Variants in NEUROG3 observed in about 807,000 individuals in gnomAD.
NEUROG3 encodes neurogenin 3, also known as neurogenin-3.
For synonymous variants in NEUROG3, 161 were observed against 139.2 expected (o/e 1.16, Z -1.10); for missense variants, 307 against 297.9 (o/e 1.03, Z -0.22).
chr10:69,572,990 C>T lies in NEUROG3; in HGVS notation c.54G>A (p.Glu18=), dbSNP rs1423653693. ...CTTCCGAGGCTCTGGGGAAGGACCG[C>T]TCCGTCTCACGGGTCACTTGGACAG... ...APTVQVTRET[E]RSFPRASEDE... The change falls in exon 2 of 2, where the codon GAG becomes GAA. Residue 18 remains glutamate, a synonymous_variant. Transcript: ENST00000242462. 3 of 1,613,696 alleles carry T rather than the reference C, an allele frequency of 1.9e-6. No individual in the cohort carries two copies. Among genetic ancestry groups the T allele is most frequent in the Non-Finnish European group, 2.5e-6 (3 of 1,180,016 alleles).
rs969171338 is a variant in NEUROG3 at position 69,572,483 on chromosome 10, C to G, written c.561G>C (p.Ser187=). The G allele has an allele frequency of 5.0e-6, 8 of 1,589,454 alleles. No homozygotes were observed. The highest frequency in any genetic ancestry group is 6.8e-6 in the Non-Finnish European group (8 of 1,168,736). ...SQAGSLSPAA[S]LEERPGLLGA... The stretch of plus-strand genomic sequence containing the variant: ...CCAGCAGCCCGGGTCGCTCCTCCAG[C>G]GACGCGGCGGGACTCAGGCTGCCAG... The change falls in exon 2 of 2, where the codon TCG becomes TCC. Residue 187 remains serine, a synonymous_variant. Coordinates refer to ENST00000242462, the MANE Select transcript of NEUROG3 (RefSeq NM_020999.4).
chr10:69,572,914 C>A lies in NEUROG3; in HGVS notation c.130G>T (p.Gly44Trp). The part of the protein sequence containing the change: ...SAPPSPTRTR[G>W]NCAEAEEGGC... ...CCCTCTTCCGCCTCTGCGCAGTTCC[C>A]CCGTGTGCGAGTGGGGCTGGGCGGG... The change falls in exon 2 of 2, where the codon GGG (glycine) becomes TGG (tryptophan). Residue 44 changes from glycine to tryptophan, a missense_variant. Physicochemically the swap from Gly to Trp is radical, Grantham distance 184. Transcript: ENST00000242462. The A allele has an allele frequency of 6.2e-7, 1 of 1,612,334 alleles. No individual in the cohort carries two copies.
chr10:69,572,248 T>G lies in NEUROG3; in HGVS notation c.*151A>C. The G allele has an allele frequency of 1.2e-6, 1 of 868,726 alleles. No individual in the cohort carries two copies. Among genetic ancestry groups the G allele is most frequent in the Non-Finnish European group, 1.7e-6 (1 of 575,762 alleles). 53.8% of individuals were successfully genotyped at this position (868,726 alleles called of 1,614,324 possible). A position where few individuals can be genotyped will look rare whatever the true frequency, so the allele number is the denominator to read the frequency against. ...GAATGAACCCAGCCTGCCGCCCCCG[T>G]GGAGGCCTGGGCCGGCCAGGGGTCA... On this transcript the variant is annotated 3_prime_UTR_variant, in exon 2 of 2. Coordinates refer to ENST00000242462, the MANE Select transcript of NEUROG3 (RefSeq NM_020999.4).
rs1839221177 is a variant in NEUROG3 at position 69,572,318 on chromosome 10, C to G, written c.*81G>C. 4.1e-6 allele frequency: 6 copies of G among 1,479,044 alleles called. No homozygotes were observed. Among genetic ancestry groups the G allele is most frequent in the Non-Finnish European group, 5.5e-6 (6 of 1,097,422 alleles). The allele number at this position is 1,479,044 out of a possible 1,614,324, so 91.6% of individuals were successfully genotyped here. On this transcript the variant is annotated 3_prime_UTR_variant, in exon 2 of 2. Transcript: ENST00000242462. ...AACAAGTGCTTTTGAGGGCCGCCGCCGTCGGCCACCCTCTACGGCTCCCGG... is the reference window on the plus strand; with the variant it reads ...AACAAGTGCTTTTGAGGGCCGCCGCGGTCGGCCACCCTCTACGGCTCCCGG...
At position 69,573,221 on chromosome 10, in the gene NEUROG3, C is replaced by A; in HGVS notation, c.-13G>T. 1.5e-6 allele frequency: 1 copy of A among 688,432 alleles called. No individual in the cohort carries two copies. The highest frequency in any genetic ancestry group is 1.9e-5 in the South Asian group (1 of 52,600). 42.6% of individuals were successfully genotyped at this position (688,432 alleles called of 1,614,324 possible). A position where few individuals can be genotyped will look rare whatever the true frequency, so the allele number is the denominator to read the frequency against. On this transcript the variant is annotated 5_prime_UTR_variant, in exon 1 of 2. Coordinates refer to ENST00000242462, the MANE Select transcript of NEUROG3 (RefSeq NM_020999.4). Reference sequence around the variant, plus strand: ...CCTCCAAATATTACCTTTCTACCGGCGCAAAAGAATAGAGAGCGATGAGCA... The same window carrying A: ...CCTCCAAATATTACCTTTCTACCGGAGCAAAAGAATAGAGAGCGATGAGCA...
At position 69,572,721 on chromosome 10, in the gene NEUROG3, C is replaced by A; in HGVS notation, c.323G>T (p.Gly108Val). Residue 108 changes from glycine to valine, a missense_variant, in exon 2 of 2, where the codon GGT (glycine) becomes GTT (valine). By Grantham distance (109) the Gly-to-Val change is moderately radical. Transcript: ENST00000242462. ...NLNSALDALR[G>V]VLPTFPDDAK... ...GTCGTCTGGGAAGGTGGGCAGGACA[C>A]CGCGCAGGGCGTCCAGTGCCGAGTT... is the stretch of plus-strand genomic sequence containing the variant. The A allele has an allele frequency of 1.2e-6, 2 of 1,614,148 alleles. No individual in the cohort carries two copies. The highest frequency in any genetic ancestry group is 1.7e-6 in the Non-Finnish European group (2 of 1,179,974).
chr10:69,572,913 C>T lies in NEUROG3; in HGVS notation c.131G>A (p.Gly44Glu). The change falls in exon 2 of 2, where the codon GGG becomes GAG. Residue 44 changes from glycine to glutamate, a missense_variant. Coordinates refer to ENST00000242462, the MANE Select transcript of NEUROG3 (RefSeq NM_020999.4). Reference protein sequence around the residue: ...SAPPSPTRTRGNCAEAEEGGC... With the variant: ...SAPPSPTRTRENCAEAEEGGC... ...TCCCTCTTCCGCCTCTGCGCAGTTC[C>T]CCCGTGTGCGAGTGGGGCTGGGCGG... 2.5e-6 allele frequency: 4 copies of T among 1,612,318 alleles called. No individual in the cohort carries two copies. Among genetic ancestry groups the T allele is most frequent in the Non-Finnish European group, 3.4e-6 (4 of 1,179,808 alleles).
At position 69,572,152 on chromosome 10, in the gene NEUROG3, C is replaced by A; in HGVS notation, c.*247G>T. The A allele has an allele frequency of 3.4e-6, 2 of 586,042 alleles. No individual in the cohort carries two copies. The highest frequency in any genetic ancestry group is 6.1e-6 in the Non-Finnish European group (2 of 328,448). 36.3% of individuals were successfully genotyped at this position (586,042 alleles called of 1,614,324 possible). ...GCAGAGAGGAGGCCTAAAATGAGCGCACTTTGCAATGCCCACTTCGCGCGG... is the reference window on the plus strand; with the variant it reads ...GCAGAGAGGAGGCCTAAAATGAGCGAACTTTGCAATGCCCACTTCGCGCGG... On this transcript the variant is annotated 3_prime_UTR_variant, in exon 2 of 2. Coordinates refer to ENST00000242462, the MANE Select transcript of NEUROG3 (RefSeq NM_020999.4).
In NEUROG3 at chr10:69,571,915, G is replaced by A. The variant is rs1367013932; in HGVS notation, c.*484C>T. The A allele has an allele frequency of 1.2e-5, 2 of 166,030 alleles. No individual in the cohort carries two copies. Among genetic ancestry groups the A allele is most frequent in the Non-Finnish European group, 1.3e-5 (1 of 75,908 alleles). 10.3% of individuals were successfully genotyped at this position (166,030 alleles called of 1,614,324 possible). A position where few individuals can be genotyped will look rare whatever the true frequency, so the allele number is the denominator to read the frequency against. On this transcript the variant is annotated 3_prime_UTR_variant, in exon 2 of 2. Coordinates refer to ENST00000242462, the MANE Select transcript of NEUROG3 (RefSeq NM_020999.4). ...GCCCTGAAATCCCGGACCTGATTGG[G>A]AGTAGAGCAGATCGGCAGCGTCTTT...
rs144883468 is a variant in NEUROG3, at chr10:69,572,851, G to T, written c.193C>A (p.Arg65Ser). The change falls in exon 2 of 2, where the codon CGC (arginine) becomes AGC (serine). Residue 65 changes from arginine to serine, a missense_variant. By Grantham distance (110) the Arg-to-Ser change is moderately radical. Coordinates refer to ENST00000242462, the MANE Select transcript of NEUROG3 (RefSeq NM_020999.4). ...CTCTTAGGCCGGCTGCGTCCCCCGC[G>T]CCGTGCCCGGAGCTTCCTCGGGGCC... ...RGAPRKLRAR[R>S]GGRSRPKSEL... 1.9e-6 allele frequency: 3 copies of T among 1,609,666 alleles called. No homozygotes were observed. The highest frequency in any genetic ancestry group is 2.5e-6 in the Non-Finnish European group (3 of 1,178,342).
rs1432828391 is a variant in NEUROG3 at position 69,572,214 on chromosome 10, AG to A, written c.*184del. 3 of 673,746 alleles carry A rather than the reference AG, an allele frequency of 4.5e-6. No individual in the cohort carries two copies. The highest frequency in any genetic ancestry group is 7.4e-6 in the Non-Finnish European group (3 of 404,470). 41.7% of individuals were successfully genotyped at this position (673,746 alleles called of 1,614,324 possible). A position where few individuals can be genotyped will look rare whatever the true frequency, so the allele number is the denominator to read the frequency against. On this transcript the variant is annotated 3_prime_UTR_variant, in exon 2 of 2. Coordinates refer to ENST00000242462, the MANE Select transcript of NEUROG3 (RefSeq NM_020999.4). ...GGTTGCGTGCGTTGGCGCGGCTCGG[AG>A]GGCCGGGGAATGAACCCAGCCTGCC...
rs1269114470 is a variant in NEUROG3, at chr10:69,572,450, G to T, written c.594C>A (p.Thr198=). The T allele has an allele frequency of 5.7e-6, 9 of 1,589,362 alleles. No homozygotes were observed. The East Asian group carries it at 9.2e-5, about 16-fold the overall frequency. Residue 198 remains threonine (T), a synonymous_variant, in exon 2 of 2, where the codon ACC becomes ACA. Transcript: ENST00000242462. The part of the protein sequence containing the change: ...LEERPGLLGA[T]FSACLSPGSL... ...TGCCTGGGCTCAAGCAGGCGGAAAAGGTGGCCCCCAGCAGCCCGGGTCGCT... is the reference window on the plus strand; with the variant it reads ...TGCCTGGGCTCAAGCAGGCGGAAAATGTGGCCCCCAGCAGCCCGGGTCGCT...
rs750440996 is a variant in NEUROG3 at position 69,573,020 on chromosome 10, C to A, written c.24G>T (p.Ala8=). 3.1e-6 allele frequency: 5 copies of A among 1,613,480 alleles called. No homozygotes were observed. Among genetic ancestry groups the A allele is most frequent in the Non-Finnish European group, 3.4e-6 (4 of 1,179,994 alleles). The change falls in exon 2 of 2, where the codon GCG becomes GCT. Residue 8 remains alanine (A), a synonymous_variant. Transcript: ENST00000242462. MTPQPSG[A]PTVQVTRETE... Reference sequence around the variant, plus strand: ...TCTCACGGGTCACTTGGACAGTGGGCGCACCCGAGGGTTGAGGCGTCATCC... The same window carrying A: ...TCTCACGGGTCACTTGGACAGTGGGAGCACCCGAGGGTTGAGGCGTCATCC...
Position 69,572,468 on chromosome 10 carries a change from G to C in NEUROG3, c.576C>G (p.Pro192=), listed in dbSNP as rs1344939600. Residue 192 remains proline, a synonymous_variant, in exon 2 of 2, where the codon CCC becomes CCG. Transcript: ENST00000242462. ...CGGAAAAGGTGGCCCCCAGCAGCCC[G>C]GGTCGCTCCTCCAGCGACGCGGCGG... is the stretch of plus-strand genomic sequence containing the variant. ...LSPAASLEER[P]GLLGATFSAC... 5.0e-6 allele frequency: 8 copies of C among 1,590,222 alleles called. No individual in the cohort carries two copies. The highest frequency in any genetic ancestry group is 3.5e-5 in the Admixed American group (2 of 56,746).
In NEUROG3 at chr10:69,572,061, G is replaced by A. The variant is rs568115079; in HGVS notation, c.*338C>T. On this transcript the variant is annotated 3_prime_UTR_variant, in exon 2 of 2. Coordinates refer to ENST00000242462, the MANE Select transcript of NEUROG3 (RefSeq NM_020999.4). ...GAGTGAGGGTAGGGCGACCCAAGAC[G>A]GTGGGCGGCTCCGGCCGGGTAGTGC... 133 of 381,180 alleles carry A rather than the reference G, an allele frequency of 3.5e-4. No homozygotes were observed. The highest frequency in any genetic ancestry group is 2.4e-3 in the African/African-American group (119 of 48,834). 23.6% of individuals were successfully genotyped at this position (381,180 alleles called of 1,614,324 possible). A position where few individuals can be genotyped will look rare whatever the true frequency, so the allele number is the denominator to read the frequency against.
In NEUROG3 at chr10:69,572,652, T is replaced by C. The variant is rs758978508; in HGVS notation, c.392A>G (p.Tyr131Cys). ...CAGCGTTTGAGTCAGCGCCCAGATG[T>C]AGTTGTGGGCGAAGCGCAGCGTCTC... ...KIETLRFAHN[Y>C]IWALTQTLRI... The change falls in exon 2 of 2, where the codon TAC becomes TGC. Residue 131 changes from tyrosine to cysteine, a missense_variant. Transcript: ENST00000242462. The C allele has an allele frequency of 3.1e-6, 5 of 1,614,048 alleles. No homozygotes were observed. In the Admixed American group the frequency reaches 8.3e-5, roughly 27 times the overall value.
Position 69,572,949 on chromosome 10 carries a change from G to C in NEUROG3, c.95C>G (p.Pro32Arg). The C allele has an allele frequency of 6.2e-7, 1 of 1,613,214 alleles. No homozygotes were observed. The highest frequency in any genetic ancestry group is 8.5e-7 in the Non-Finnish European group (1 of 1,179,990). Residue 32 changes from proline (P) to arginine (R), a missense_variant, in exon 2 of 2, where the codon CCC (proline) becomes CGC (arginine). Transcript: ENST00000242462. The stretch of plus-strand genomic sequence containing the variant: ...AGTGGGGCTGGGCGGGGCGGACGTG[G>C]GGCAGGTCACTTCGTCTTCCGAGGC... ...PRASEDEVTC[P>R]TSAPPSPTRT...
At position 69,572,467 on chromosome 10, in the gene NEUROG3, C is replaced by G; in HGVS notation, c.577G>C (p.Gly193Arg). ...GCGGAAAAGGTGGCCCCCAGCAGCCCGGGTCGCTCCTCCAGCGACGCGGCG... is the reference window on the plus strand; with the variant it reads ...GCGGAAAAGGTGGCCCCCAGCAGCCGGGGTCGCTCCTCCAGCGACGCGGCG... ...SPAASLEERP[G>R]LLGATFSACL... Residue 193 changes from glycine to arginine, a missense_variant, in exon 2 of 2, where the codon GGG (glycine) becomes CGG (arginine). Transcript: ENST00000242462. The G allele has an allele frequency of 6.3e-7, 1 of 1,589,778 alleles. No individual in the cohort carries two copies. Among genetic ancestry groups the G allele is most frequent in the Non-Finnish European group, 8.6e-7 (1 of 1,169,312 alleles).
At chr10:69,573,138 T>G in intron 1 of NEUROG3, 72 bp downstream of exon 1, 1 of 1,407,032 alleles carries the variant, frequency 7.1e-7, no homozygotes, top group East Asian at 2.3e-5. Flanking sequence ...AAAACAGCCA[T>G]CCTCCCAGCC....
Sources: gnomAD v4.1 joint callset for allele counts on GRCh38, gnomAD v4.1.1 for gene constraint, MANE v1.5 for transcripts, NCBI Gene and HGNC (gene_info 2026-07-23, HGNC 2026-07-21) for gene names.